The following GXYLT2 variants were observed in gnomAD, a reference collection of about 807,000 sequenced individuals.
GXYLT2 encodes glucoside xylosyltransferase 2, also known as glycosyltransferase 8 domain containing 4.
GXYLT2 carries 53 observed loss-of-function variants against 45.8 expected under a neutral mutation model. The ratio of observed to expected loss-of-function variants is 1.16; its 90% CI spans 0.93 to 1.46. The LOEUF is 1.46. Ranked by LOEUF, GXYLT2 falls within the 40% of genes most tolerant of loss-of-function variation. The probability of loss-of-function intolerance (pLI) is 0.00; values close to 1 mark genes in which losing one functional copy is unlikely to be tolerated. For synonymous variants in GXYLT2, 219 were observed against 214.2 expected, an observed-to-expected ratio of 1.02 and a Z score of -0.19; for missense variants, 551 against 544.4, an observed-to-expected ratio of 1.01 and a Z score of -0.12.
chr3:72,965,221 C>T (rs1559752144), intron 5 of GXYLT2, among the ~76,000 whole-genome samples: 1 of 152,336 alleles, frequency 6.6e-6, no homozygotes, highest in Admixed American at 6.5e-5. Context: ...GCCTAAATGT[C>T]ACTGTCCTAT....
chr3:72,920,777 C>A lies in GXYLT2; in HGVS notation c.469-1427C>A, dbSNP rs760474178. Among the ~76,000 whole-genome samples, 8 of 149,050 alleles carry A rather than the reference C, an allele frequency of 5.4e-5. No individual in the cohort carries two copies. In the East Asian group the frequency reaches 1.4e-3, roughly 25 times the overall value. ...TTGGTGCATATCCATCTAGGTTTTT[C>A]TTTACATATAAAATGTACATGCATA... On this transcript the variant is annotated intron_variant, in intron 2 of 6. Transcript: ENST00000389617.
intron 1 of GXYLT2, among the ~76,000 whole-genome samples, chr3:72,902,714 CGGTGGCTCATGCCTGTACTTCCAGGCAT>C (rs1316034662): frequency 2.0e-5 from 3 of 150,514 alleles, no homozygotes; most frequent in African/African-American, 7.3e-5. Flanking sequence ...AGGCCAGGTG[CGGTGGCTCATGCCTGTACTTCCAGGCAT>C]GGTGGCTCAT....
At chr3:72,921,970 C>T (rs1470657256) in intron 2 of GXYLT2, among the ~76,000 whole-genome samples, 1 of 152,130 alleles carries the variant, frequency 6.6e-6, no homozygotes, top group African/African-American at 2.4e-5. Flanking sequence ...ATCTATACTC[C>T]CCTCTGCAGT....
At chr3:72,972,103 TTCTC>T (rs1176155620) in intron 6 of GXYLT2, among the ~76,000 whole-genome samples, 1 of 152,116 alleles carries the variant, frequency 6.6e-6, no homozygotes, top group Admixed American at 6.6e-5. Context: ...TCTGAAAATA[TTCTC>T]TCTCTTTCTC....
At position 72,917,420 on chromosome 3, in the gene GXYLT2, A is replaced by T. The variant is rs181034194; in HGVS notation, c.469-4784A>T. Among the ~76,000 whole-genome samples the T allele has an allele frequency of 2.6e-4, 40 of 152,258 alleles. No individual in the cohort carries two copies. In the East Asian group the frequency reaches 5.4e-3, roughly 21 times the overall value. On this transcript the variant is annotated intron_variant, in intron 2 of 6. Coordinates refer to ENST00000389617, the MANE Select transcript of GXYLT2 (RefSeq NM_001080393.2). ...GGATCTGTGCAATTATACTGGGTAA[A>T]TACTAGGTAATGCCTGGTGTGGGTT... is the stretch of plus-strand genomic sequence containing the variant.
At chr3:72,908,328 A>T (rs1287664760) in intron 1 of GXYLT2, 39 bp from the exon 2 acceptor site, 6 of 1,494,974 alleles carry the variant, frequency 4.0e-6, no homozygotes, top group Non-Finnish European at 5.4e-6. Flanking sequence ...TACTTTTTTG[A>T]GTTTAGTAAT....
chr3:72,890,598 G>T (rs543993907), intron 1 of GXYLT2, among the ~76,000 whole-genome samples: 1 of 152,184 alleles, frequency 6.6e-6, no homozygotes, highest in Admixed American at 6.5e-5. Context: ...CCTGCAATTC[G>T]TAATTTTACT....
chr3:72,898,650 G>A (rs1270634966), intron 1 of GXYLT2, among the ~76,000 whole-genome samples: 3 of 152,202 alleles, frequency 2.0e-5, no homozygotes, highest in African/African-American at 7.2e-5. Context: ...GAGCACCCGG[G>A]GAGGCATGGG....
chr3:72,894,464 G>C (rs780109805), intron 1 of GXYLT2, among the ~76,000 whole-genome samples: 1 of 152,242 alleles, frequency 6.6e-6, no homozygotes, highest in African/African-American at 2.4e-5. Flanking sequence ...CCAGAGGTAG[G>C]TTCCTGAGCA....
intron 2 of GXYLT2, among the ~76,000 whole-genome samples, chr3:72,911,337 A>G (rs1321823381): frequency 1.3e-5 from 2 of 152,074 alleles, no homozygotes; most frequent in Non-Finnish European, 2.9e-5. Context: ...ACGTGCAACC[A>G]TATCTGTTTA....
In GXYLT2 at chr3:72,902,731, A is replaced by T. The variant is rs188247392; in HGVS notation, c.276-5636A>T. 8.2e-3 allele frequency among the ~76,000 whole-genome samples: 1,251 copies of T among 151,882 alleles called. 28 individuals are homozygous for T. The highest frequency in any genetic ancestry group is 0.029 in the African/African-American group (1,195 of 41,464). Reference sequence around the variant, plus strand: ...GCCAGGTGCGGTGGCTCATGCCTGTACTTCCAGGCATGGTGGCTCATGCCT... The same window carrying T: ...GCCAGGTGCGGTGGCTCATGCCTGTTCTTCCAGGCATGGTGGCTCATGCCT... On this transcript the variant is annotated intron_variant, in intron 1 of 6. Transcript: ENST00000389617.
chr3:72,904,037 C>T (rs1709456414), intron 1 of GXYLT2, among the ~76,000 whole-genome samples: 1 of 152,246 alleles, frequency 6.6e-6, no homozygotes, highest in African/African-American at 2.4e-5. Flanking sequence ...GCTGTACCAG[C>T]ATGGTTACCA....
Position 72,928,961 on chromosome 3 carries a change from C to T in GXYLT2, c.600+6626C>T, listed in dbSNP as rs1464965768. ...CATAGCCAGTCCTCCGTCACCACTT[C>T]ACCGCGCCCTCGGTACCGCCCCAAG... On this transcript the variant is annotated intron_variant, in intron 3 of 6. Transcript: ENST00000389617. 37 of 831,318 alleles carry T rather than the reference C, an allele frequency of 4.5e-5. No homozygotes were observed. In the East Asian group the frequency reaches 9.6e-4, roughly 22 times the overall value. 51.5% of individuals were successfully genotyped at this position (831,318 alleles called of 1,614,324 possible). A position where few individuals can be genotyped will look rare whatever the true frequency, so the allele number is the denominator to read the frequency against.
intron 1 of GXYLT2, among the ~76,000 whole-genome samples, chr3:72,902,154 A>C (rs2107070123): frequency 6.6e-6 from 1 of 152,318 alleles, no homozygotes; most frequent in East Asian, 1.9e-4. Context: ...TTTGTGTACA[A>C]CCTTTTATGT....
chr3:72,888,971 A>G (rs1417411440), intron 1 of GXYLT2, among the ~76,000 whole-genome samples: 1 of 152,202 alleles, frequency 6.6e-6, no homozygotes, highest in Non-Finnish European at 1.5e-5. Context: ...CCCCATGCTT[A>G]GAACAGAAGG....
At position 72,888,130 on chromosome 3, in the gene GXYLT2, G is replaced by A; in HGVS notation, c.-104G>A. The A allele has an allele frequency of 2.5e-6, 2 of 792,112 alleles. No homozygotes were observed. The highest frequency in any genetic ancestry group is 3.1e-6 in the Non-Finnish European group (2 of 655,310). 49.1% of individuals were successfully genotyped at this position (792,112 alleles called of 1,614,324 possible). A position where few individuals can be genotyped will look rare whatever the true frequency, so the allele number is the denominator to read the frequency against. ...CACGACCCCAGTCCCCGGCGGGCGG[G>A]CGGAGGAGGCGACCGCCGCGCGCTG... On this transcript the variant is annotated 5_prime_UTR_variant, in exon 1 of 7. Transcript: ENST00000389617.
intron 5 of GXYLT2, among the ~76,000 whole-genome samples, chr3:72,961,729 G>A (rs1343285503): frequency 6.7e-6 from 1 of 150,188 alleles, no homozygotes; most frequent in Non-Finnish European, 1.5e-5. Flanking sequence ...CTTTAATTTG[G>A]GAGACCACCC....
intron 1 of GXYLT2, among the ~76,000 whole-genome samples, chr3:72,906,608 A>C (rs1415191785): frequency 6.6e-6 from 1 of 152,096 alleles, no homozygotes; most frequent in East Asian, 1.9e-4. Context: ...TGTTTTGTTC[A>C]CTGTCTTCCT....
intron 3 of GXYLT2, among the ~76,000 whole-genome samples, chr3:72,948,460 G>T (rs1710453865): frequency 1.3e-5 from 2 of 152,248 alleles, no homozygotes; most frequent in South Asian, 2.1e-4. Flanking sequence ...ATAACAAAAA[G>T]ATATCTGGAA....
Sources: allele counts gnomAD v4.1 joint callset (sites outside exome capture counted in the v4.1 genomes callset), GRCh38; gene constraint gnomAD v4.1.1; transcripts MANE v1.5; gene names NCBI Gene and HGNC (gene_info 2026-07-23, HGNC 2026-07-21).